ZNF235: variants seen among roughly 807,000 people sequenced by gnomAD.
ZNF235 encodes zinc finger protein 235.
In ZNF235, 25 loss-of-function variants were observed where a neutral mutation model predicts 29.4. The ratio of observed to expected loss-of-function variants is 0.85; its 90% CI spans 0.62 to 1.19. The LOEUF (loss-of-function observed/expected upper bound fraction) is 1.19, where lower values mean the gene tolerates loss of function less well. ZNF235 is among the 50% of genes most tolerant of loss of function. The pLI is 0.00. For synonymous variants in ZNF235, 300 were observed against 295.3 expected (o/e 1.02, Z -0.16); for missense variants, 788 against 885.0 (o/e 0.89, Z 1.39).
intron 4 of ZNF235, among the ~76,000 whole-genome samples, chr19:44,294,449 G>T (rs1239101388): frequency 6.6e-6 from 1 of 151,998 alleles, no homozygotes; most frequent in African/African-American, 2.4e-5. Context: ...GAACAAAAAA[G>T]CCCAGGACCA....
intron 2 of ZNF235, among the ~76,000 whole-genome samples, chr19:44,302,850 GTAAA>G (rs1381418911): frequency 5.2e-5 from 5 of 95,312 alleles, no homozygotes; most frequent in South Asian, 5.6e-4. Flanking sequence ...TTATATATGA[GTAAA>G]TATATACTTA....
chr19:44,288,010 A>G lies in ZNF235; in HGVS notation c.1425T>C (p.His475=), dbSNP rs1386898151. 1 of 1,613,164 alleles carries G rather than the reference A, an allele frequency of 6.2e-7. No individual in the cohort carries two copies. The highest frequency in any genetic ancestry group is 1.3e-5 in the African/African-American group (1 of 74,642). ...GKCFSLSFNL[H]SHQRVHTGEK... is the part of the protein sequence containing the mutation. The stretch of plus-strand genomic sequence containing the variant: ...CTCCTGTGTGGACTCGTTGATGACT[A>G]TGAAGATTAAAGCTCAAACTAAAGC... Residue 475 remains histidine, a synonymous_variant, in exon 5 of 5, where the codon CAT becomes CAC. Coordinates refer to ENST00000291182, the MANE Select transcript of ZNF235 (RefSeq NM_004234.4).
chr19:44,300,046 C>T (rs769312416), intron 2 of ZNF235, among the ~76,000 whole-genome samples: 15 of 152,148 alleles, frequency 9.9e-5, no homozygotes, highest in Non-Finnish European at 2.2e-4. Flanking sequence ...ATCCAACAGG[C>T]CTTCATAAAG....
At position 44,288,547 on chromosome 19, in the gene ZNF235, A is replaced by G. The variant is rs376005441; in HGVS notation, c.888T>C (p.His296=). The stretch of plus-strand genomic sequence containing the variant: ...CTGAGCTATAACTGGTGTCCTTCTC[A>G]TGTGTACTACACGCTGGAGACTTCT... The part of the protein sequence containing the change: ...LGKKSPACST[H]EKDTSYSSGI... The change falls in exon 5 of 5, where the codon CAT becomes CAC. Residue 296 remains histidine (H), a synonymous_variant. Transcript: ENST00000291182. 1.4e-5 allele frequency: 23 copies of G among 1,613,960 alleles called. No individual in the cohort carries two copies. The highest frequency in any genetic ancestry group is 1.2e-4 in the African/African-American group (9 of 74,920).
intron 4 of ZNF235, 79 bp downstream of exon 4, chr19:44,298,729 A>T: frequency 9.3e-7 from 1 of 1,080,610 alleles, no homozygotes; most frequent in Non-Finnish European, 1.4e-6. Context: ...TCTCTCAGGT[A>T]GCTGAGTGGA....
At chr19:44,293,273 C>A (rs1489885794) in intron 4 of ZNF235, among the ~76,000 whole-genome samples, 5 of 151,906 alleles carry the variant, frequency 3.3e-5, no homozygotes, top group African/African-American at 1.2e-4. Context: ...CAGAAACGAG[C>A]AGGAGTAGCT....
At chr19:44,298,738 G>A (rs1218898993) in intron 4 of ZNF235, 70 bp downstream of exon 4, 46 of 1,183,310 alleles carry the variant, frequency 3.9e-5, no homozygotes, top group Middle Eastern at 3.9e-4. Context: ...TAGCTGAGTG[G>A]AGAAGAAATT....
chr19:44,301,635 T>TA (rs972742911), intron 2 of ZNF235, among the ~76,000 whole-genome samples: 1 of 152,150 alleles, frequency 6.6e-6, no homozygotes, highest in African/African-American at 2.4e-5. Flanking sequence ...CACGCCCAGC[T>TA]AATTTTTGTA....
Position 44,295,343 on chromosome 19 carries a change from A to C in ZNF235, c.238+3465T>G, listed in dbSNP as rs146434108. Among the ~76,000 whole-genome samples the C allele has an allele frequency of 2.6e-4, 39 of 152,280 alleles. No individual in the cohort carries two copies. In the East Asian group the frequency reaches 7.3e-3, roughly 29 times the overall value. The stretch of plus-strand genomic sequence containing the variant: ...TCAAGAACACAATCCAATTTATAGT[A>C]TCTACAAAAAAATTAAAATACCTAG... On this transcript the variant is annotated intron_variant, in intron 4 of 4. Coordinates refer to ENST00000291182, the MANE Select transcript of ZNF235 (RefSeq NM_004234.4).
rs753633365 is a variant in ZNF235, at chr19:44,298,914, A to G, written c.143-11T>C. The G allele has an allele frequency of 6.3e-7, 1 of 1,599,928 alleles. No homozygotes were observed. Among genetic ancestry groups the G allele is most frequent in the East Asian group, 2.2e-5 (1 of 44,830 alleles). On this transcript the variant is annotated splice_polypyrimidine_tract_variant and intron_variant, in intron 3 of 4. Coordinates refer to ENST00000291182, the MANE Select transcript of ZNF235 (RefSeq NM_004234.4). ...TGAAGGACTGATGTCCTATAAAAAGATAGTATTTAAGTGAAAATGTTAAAG... is the reference window on the plus strand; with the variant it reads ...TGAAGGACTGATGTCCTATAAAAAGGTAGTATTTAAGTGAAAATGTTAAAG...
chr19:44,298,970 T>C, intron 3 of ZNF235, 67 bp from the exon 4 acceptor site: 1 of 1,203,582 alleles, frequency 8.3e-7, no homozygotes, highest in East Asian at 2.4e-5. Flanking sequence ...CTGGTTCCAA[T>C]CACATGATGT....
intron 4 of ZNF235, chr19:44,297,171 TCAC>T (rs963499561): frequency 1.8e-5 from 3 of 170,210 alleles, no homozygotes; most frequent in African/African-American, 7.2e-5. Flanking sequence ...GCTGTGTCCT[TCAC>T]CATTGCAGGC....
At chr19:44,303,992 A>T (rs1599895896) in intron 1 of ZNF235, among the ~76,000 whole-genome samples, 1 of 152,240 alleles carries the variant, frequency 6.6e-6, no homozygotes, top group African/African-American at 2.4e-5. Flanking sequence ...CCAGAACTCA[A>T]AAATAATTGC....
Position 44,288,225 on chromosome 19 carries a change from T to A in ZNF235, c.1210A>T (p.Lys404Ter), listed in dbSNP as rs758597739. ...CRVHTGEKPY[K>*]CEVCGKGFTQ... ...AAGCCCTTCCCACACACCTCACATTTATAAGGTTTCTCTCCAGTGTGAACT... is the reference window on the plus strand; with the variant it reads ...AAGCCCTTCCCACACACCTCACATTAATAAGGTTTCTCTCCAGTGTGAACT... The change falls in exon 5 of 5, where the codon AAA becomes TAA. Residue 404 changes from lysine to a stop codon, truncating the protein, a stop_gained. Transcript: ENST00000291182. LOFTEE classifies it high-confidence loss of function. 1 of 1,614,148 alleles carries A rather than the reference T, an allele frequency of 6.2e-7. No individual in the cohort carries two copies. Among genetic ancestry groups the A allele is most frequent in the South Asian group, 1.1e-5 (1 of 91,090 alleles).
Position 44,287,122 on chromosome 19 carries a change from T to A in ZNF235, c.*96A>T. The A allele has an allele frequency of 1.6e-6, 2 of 1,288,904 alleles. No individual in the cohort carries two copies. Among genetic ancestry groups the A allele is most frequent in the Non-Finnish European group, 2.1e-6 (2 of 947,508 alleles). 79.8% of individuals were successfully genotyped at this position (1,288,904 alleles called of 1,614,324 possible). ...TCCTGTCAAGATTCTTTGAAGCTTCTAGTTTTAAAGGAACTTTTCACAATC... is the reference window on the plus strand; with the variant it reads ...TCCTGTCAAGATTCTTTGAAGCTTCAAGTTTTAAAGGAACTTTTCACAATC... On this transcript the variant is annotated 3_prime_UTR_variant, in exon 5 of 5. Coordinates refer to ENST00000291182, the MANE Select transcript of ZNF235 (RefSeq NM_004234.4).
intron 4 of ZNF235, among the ~76,000 whole-genome samples, chr19:44,297,688 C>A (rs1488677852): frequency 4.6e-5 from 7 of 152,102 alleles, no homozygotes; most frequent in Non-Finnish European, 1.0e-4. Context: ...GTCTCGAACT[C>A]CCGACCTCAG....
At chr19:44,299,075 A>AT (rs1458855596) in intron 3 of ZNF235, among the ~76,000 whole-genome samples, 172 bp from the exon 4 acceptor site, 1 of 152,198 alleles carries the variant, frequency 6.6e-6, no homozygotes, top group Admixed American at 6.5e-5. Flanking sequence ...CTGGAAATAC[A>AT]TTACCCTGTG....
At chr19:44,300,606 G>A (rs931145388) in intron 2 of ZNF235, among the ~76,000 whole-genome samples, 3 of 152,028 alleles carry the variant, frequency 2.0e-5, no homozygotes, top group Admixed American at 6.6e-5. Context: ...TTGAGAGGTC[G>A]AGACGGGCAG....
chr19:44,297,826 A>G (rs759204470), intron 4 of ZNF235, among the ~76,000 whole-genome samples: 6 of 152,132 alleles, frequency 3.9e-5, no homozygotes, highest in Non-Finnish European at 7.4e-5. Context: ...TGAATGAAAT[A>G]AGGAAGAGGG....
Sources: gnomAD v4.1 joint callset for allele counts (sites outside exome capture counted in the v4.1 genomes callset) on GRCh38, gnomAD v4.1.1 for gene constraint, MANE v1.5 for transcripts, NCBI Gene and HGNC (gene_info 2026-07-23, HGNC 2026-07-21) for gene names.